PLEKHM1: variants seen among roughly 807,000 people sequenced by gnomAD.
The protein encoded by PLEKHM1 is pleckstrin homology and RUN domain containing M1, also known as pleckstrin homology domain-containing family M member 1.
PLEKHM1 carries 28 observed loss-of-function variants against 94.3 expected under a neutral mutation model. That is an observed-to-expected ratio of 0.30 (90% CI 0.22 to 0.41). PLEKHM1 has a LOEUF of 0.41. Among genes scored for constraint, PLEKHM1 ranks in the 10% least tolerant of loss-of-function variants. The probability of loss-of-function intolerance (pLI) is 1.00; values close to 1 mark genes in which losing one functional copy is unlikely to be tolerated. For synonymous variants in PLEKHM1, 424 were observed against 581.2 expected (o/e 0.73, Z 3.89); for missense variants, 907 against 1,358.6 (o/e 0.67, Z 5.22).
At chr17:45,480,965 A>G (rs2051934244) in intron 2 of PLEKHM1, among the ~76,000 whole-genome samples, 2 of 152,304 alleles carry the variant, frequency 1.3e-5, no homozygotes, top group East Asian at 1.9e-4. Flanking sequence ...ACATAACCCT[A>G]TGTTTAACTT....
At chr17:45,489,753 G>A (rs1211753448) in intron 1 of PLEKHM1, among the ~76,000 whole-genome samples, 1 of 152,152 alleles carries the variant, frequency 6.6e-6, no homozygotes, top group African/African-American at 2.4e-5. Flanking sequence ...CTGTTGAGGG[G>A]CAGCTGGTGG....
At position 45,454,221 on chromosome 17, in the gene PLEKHM1, C is replaced by G; in HGVS notation, c.1631G>C (p.Arg544Pro). 1 of 1,610,854 alleles carries G rather than the reference C, an allele frequency of 6.2e-7. No homozygotes were observed. Among genetic ancestry groups the G allele is most frequent in the Non-Finnish European group, 8.5e-7 (1 of 1,178,734 alleles). The change falls in exon 7 of 12, where the codon CGG (arginine) becomes CCG (proline). Residue 544 changes from arginine to proline, a missense_variant. Around this residue, in one of 3 missense-constraint regions of PLEKHM1, gnomAD observed 477 missense variants for 601.5 expected, o/e 0.79. Coordinates refer to ENST00000430334, the MANE Select transcript of PLEKHM1 (RefSeq NM_014798.3). ...GLMKLGTVER[R>P]GAMGIWKELF... Reference sequence around the variant, plus strand: ...CTCCTTCCAGATGCCCATTGCCCCCCGCCGCTCCACGGTGCCCAGCTTCAT... The same window carrying G: ...CTCCTTCCAGATGCCCATTGCCCCCGGCCGCTCCACGGTGCCCAGCTTCAT...
At chr17:45,486,206 G>T (rs1278590012) in intron 1 of PLEKHM1, among the ~76,000 whole-genome samples, 2 of 138,588 alleles carry the variant, frequency 1.4e-5, no homozygotes, top group East Asian at 4.0e-4. Flanking sequence ...GACAGAGAGA[G>T]ACTCCGTCTC....
In PLEKHM1 at chr17:45,437,835, A is replaced by T. The variant is rs1230316672; in HGVS notation, c.*23T>A. 4.4e-6 allele frequency: 7 copies of T among 1,586,458 alleles called. No individual in the cohort carries two copies. The highest frequency in any genetic ancestry group is 6.1e-6 in the Non-Finnish European group (7 of 1,155,018). On this transcript the variant is annotated 3_prime_UTR_variant, in exon 12 of 12. Coordinates refer to ENST00000430334, the MANE Select transcript of PLEKHM1 (RefSeq NM_014798.3). The surrounding 1 kb of genome is among the most constrained non-coding windows in gnomAD (Gnocchi z 4.0). ...TGAGCCACACTCACCCCCGGCTTTC[A>T]GAGCGGGGTCAGCAGATGGGCATCA... is the stretch of plus-strand genomic sequence containing the variant.
rs1452981150 is a variant in PLEKHM1 at position 45,486,186 on chromosome 17, C to T, written c.-41-3661G>A. On this transcript the variant is annotated intron_variant, in intron 1 of 11. Coordinates refer to ENST00000430334, the MANE Select transcript of PLEKHM1 (RefSeq NM_014798.3). ...GAGCCGAGATCCCGCCACTGCACTCCAGCCTAGGCGACAGAGAGAGACTCC... is the reference window on the plus strand; with the variant it reads ...GAGCCGAGATCCCGCCACTGCACTCTAGCCTAGGCGACAGAGAGAGACTCC... Among the ~76,000 whole-genome samples the T allele has an allele frequency of 4.9e-5, 7 of 143,816 alleles. No individual in the cohort carries two copies. In the Admixed American group the frequency reaches 5.0e-4, roughly 10 times the overall value. The allele number at this position is 143,816 out of a possible 152,430, so 94.3% of individuals were successfully genotyped here. A position where few individuals can be genotyped will look rare whatever the true frequency, so the allele number is the denominator to read the frequency against.
rs941297306 is a variant in PLEKHM1, at chr17:45,450,619, G to A, written c.2642C>T (p.Pro881Leu). Residue 881 changes from proline (P) to leucine (L), a missense_variant and splice_region_variant, in exon 8 of 12, where the codon CCG becomes CTG. By Grantham distance (98) the Pro-to-Leu change is moderately conservative. Around this residue, in one of 3 missense-constraint regions of PLEKHM1, gnomAD observed 254 missense variants for 451.1 expected, o/e 0.56. Transcript: ENST00000430334. ...IIHNWDLTKR[P>L]ICRQALKFLT... is the part of the protein sequence containing the mutation. ...TGGGCTGCTGGGCTTGAGACTTACC[G>A]GGCGCTTGGTGAGGTCCCAGTTGTG... is the stretch of plus-strand genomic sequence containing the variant. 61 of 1,613,424 alleles carry A rather than the reference G, an allele frequency of 3.8e-5. No homozygotes were observed. Among genetic ancestry groups the A allele is most frequent in the Non-Finnish European group, 5.0e-5 (59 of 1,179,822 alleles).
chr17:45,435,952 G>C lies in PLEKHM1; in HGVS notation c.*1906C>G, dbSNP rs1452518232. ...AAAATCATTCAAAACTCACACGGCA[G>C]CAATTCCTTCAATACATTGCAAAGA... On this transcript the variant is annotated 3_prime_UTR_variant, in exon 12 of 12. Transcript: ENST00000430334. 4.4e-6 allele frequency: 2 copies of C among 456,396 alleles called. No homozygotes were observed. Among genetic ancestry groups the C allele is most frequent in the South Asian group, 3.1e-5 (2 of 64,568 alleles). The allele number at this position is 456,396 out of a possible 1,614,324, so 28.3% of individuals were successfully genotyped here.
In PLEKHM1 at chr17:45,453,416, C is replaced by T. The variant is rs373587199; in HGVS notation, c.2436G>A (p.Leu812=). The T allele has an allele frequency of 6.2e-7, 1 of 1,613,756 alleles. No individual in the cohort carries two copies. The highest frequency in any genetic ancestry group is 8.5e-7 in the Non-Finnish European group (1 of 1,179,776). ...KFATRENGFL[L]QYLVAIPMEK... ...CCATGGGGATAGCCACCAGGTACTG[C>T]AGCAGGAAGCCATTCTCCCGGGTGG... The change falls in exon 7 of 12, where the codon CTG becomes CTA. Residue 812 remains leucine (L), a synonymous_variant. Coordinates refer to ENST00000430334, the MANE Select transcript of PLEKHM1 (RefSeq NM_014798.3). The surrounding 1 kb of genome is among the most constrained non-coding windows in gnomAD (Gnocchi z 4.1).
rs1879577 is a variant in PLEKHM1, at chr17:45,481,369, G to A, written c.48+1068C>T. On this transcript the variant is annotated intron_variant, in intron 2 of 11. Transcript: ENST00000430334. ...TGTGGGTTGTCTTTTCATTTTCTTG[G>A]TAGTATCCTTTGAAGCTCAAAAGTT... 4.5e-3 allele frequency among the ~76,000 whole-genome samples: 670 copies of A among 147,470 alleles called. 8 individuals are homozygous for A. Among genetic ancestry groups the A allele is most frequent in the African/African-American group, 0.016 (589 of 37,240 alleles).
rs2050374132 is a variant in PLEKHM1, at chr17:45,439,529, T to G, written c.3007A>C (p.Ile1003Leu). 3 of 1,614,052 alleles carry G rather than the reference T, an allele frequency of 1.9e-6. No individual in the cohort carries two copies. In the African/African-American group the frequency reaches 4.0e-5, roughly 22 times the overall value. ...AAGATGATGTCGTGGTGCTGGCAGA[T>G]CTGGCAGATGAAGCCGCGCTGGGTG... ...LCTQRGFICQICQHHDIIFPF... is the reference protein window; with the variant it reads ...LCTQRGFICQLCQHHDIIFPF... Residue 1003 changes from isoleucine to leucine, a missense_variant, in exon 11 of 12, where the codon ATC (isoleucine) becomes CTC (leucine). Physicochemically the swap from Ile to Leu is conservative, Grantham distance 5. Transcript: ENST00000430334.
intron 3 of PLEKHM1, among the ~76,000 whole-genome samples, chr17:45,476,266 C>T (rs1477891909): frequency 4.6e-5 from 7 of 150,850 alleles, no homozygotes; most frequent in African/African-American, 1.5e-4. Flanking sequence ...CCAACTACCA[C>T]GGGGCCCCTG....
chr17:45,463,124 G>C (rs2051205798), intron 5 of PLEKHM1, among the ~76,000 whole-genome samples: 1 of 151,934 alleles, frequency 6.6e-6, no homozygotes, highest in African/African-American at 2.4e-5. Context: ...ATTCACTGGG[G>C]AGGACTTCTC....
At chr17:45,440,438 A>G (rs2050414758) in intron 9 of PLEKHM1, 2 of 617,684 alleles carry the variant, frequency 3.2e-6, no homozygotes, top group Non-Finnish European at 5.8e-6. Flanking sequence ...ACGTTACTTA[A>G]CCTCTCTGAA....
chr17:45,458,070 A>T (rs1306329394), intron 6 of PLEKHM1, 99 bp downstream of exon 6: 3 of 883,812 alleles, frequency 3.4e-6, no homozygotes, highest in Admixed American at 2.2e-5. Flanking sequence ...GTGGGAACAC[A>T]CTACCCCTTT....
intron 9 of PLEKHM1, among the ~76,000 whole-genome samples, chr17:45,442,370 A>G (rs116404648): frequency 1.1e-4 from 16 of 151,758 alleles, no homozygotes; most frequent in African/African-American, 3.9e-4. Context: ...CCCTTCACCA[A>G]CTGCACTCCA....
intron 7 of PLEKHM1, among the ~76,000 whole-genome samples, chr17:45,451,123 C>G (rs1311671036): frequency 1.3e-5 from 2 of 151,826 alleles, no homozygotes; most frequent in African/African-American, 2.4e-5. Context: ...GGTGTCCCCA[C>G]TGCTGGCTTG....
intron 9 of PLEKHM1, among the ~76,000 whole-genome samples, chr17:45,442,449 A>T (rs556246481): frequency 3.9e-5 from 6 of 152,276 alleles, no homozygotes; most frequent in Admixed American, 6.5e-5. Flanking sequence ...TCTGTCTCCC[A>T]GCCTGGAGTG....
chr17:45,457,026 C>G (rs1313857388), intron 6 of PLEKHM1, among the ~76,000 whole-genome samples: 1 of 152,072 alleles, frequency 6.6e-6, no homozygotes, highest in African/African-American at 2.4e-5. Context: ...ACTGGAAATA[C>G]AAGAATCACC....
chr17:45,438,760 T>C (rs1256767586), intron 11 of PLEKHM1, among the ~76,000 whole-genome samples: 1 of 152,028 alleles, frequency 6.6e-6, no homozygotes, highest in Admixed American at 6.5e-5. Flanking sequence ...TTTCACCATG[T>C]TGGCCAGGCT....
Sources: gnomAD v4.1 joint callset for allele counts (sites outside exome capture counted in the v4.1 genomes callset) on GRCh38, gnomAD v4.1.1 for gene constraint, gnomAD v4.1.1 regional missense constraint, Gnocchi (gnomAD v3.1) non-coding constraint, MANE v1.5 for transcripts, NCBI Gene and HGNC (gene_info 2026-07-23, HGNC 2026-07-21) for gene names.